Variants in SMG6 observed in about 807,000 individuals in gnomAD.
SMG6 encodes the protein SMG6 nonsense mediated mRNA decay factor, also known as telomerase-binding protein EST1A.
Under a neutral mutation model 142.2 loss-of-function variants are expected in SMG6, and 66 were observed. The ratio of observed to expected loss-of-function variants is 0.46; its 90% CI spans 0.38 to 0.57. The LOEUF (loss-of-function observed/expected upper bound fraction) is 0.57. Ranked by LOEUF, SMG6 falls within the 20% of genes least tolerant of loss-of-function variation. SMG6 has a pLI of 0.00. For synonymous variants in SMG6, 779 were observed against 702.4 expected, an observed-to-expected ratio of 1.11 and a Z score of -1.72; for missense variants, 1,793 against 1,832.0, an observed-to-expected ratio of 0.98 and a Z score of 0.39.
At chr17:2,184,298 G>C (rs1262188387) in intron 12 of SMG6, among the ~76,000 whole-genome samples, 1 of 151,760 alleles carries the variant, frequency 6.6e-6, no homozygotes, top group Non-Finnish European at 1.5e-5. Context: ...AGGAGGCAGA[G>C]GCTACAGTGA....
intron 8 of SMG6, 62 bp from the exon 9 acceptor site, chr17:2,244,781 CAG>C: frequency 7.3e-7 from 1 of 1,371,750 alleles, no homozygotes; most frequent in Non-Finnish European, 1.0e-6. Context: ...TGTTACTGAA[CAG>C]AGTCCCCAGT....
chr17:2,217,820 C>T (rs891236332), intron 10 of SMG6, among the ~76,000 whole-genome samples: 1 of 151,870 alleles, frequency 6.6e-6, no homozygotes, highest in African/African-American at 2.4e-5. Flanking sequence ...ACGATCCTGG[C>T]CAACATGGTG....
intron 13 of SMG6, among the ~76,000 whole-genome samples, chr17:2,098,244 C>T (rs757345835): frequency 6.6e-6 from 1 of 152,168 alleles, no homozygotes. Flanking sequence ...CCTCAGCCCC[C>T]CAAAGTGTTC....
chr17:2,282,720 C>A lies in SMG6; in HGVS notation c.2588G>T (p.Arg863Leu). 1.2e-6 allele frequency: 2 copies of A among 1,614,114 alleles called. No homozygotes were observed. The highest frequency in any genetic ancestry group is 1.7e-5 in the Admixed American group (1 of 60,014). ...LEIWIHPSHP[R>L]SSQGTESGKD... ...CCCAGACTCAGTGCCCTGGGAAGAC[C>A]GTGGATGGGATGGATGAATCCAGAT... Residue 863 changes from arginine to leucine, a missense_variant, in exon 8 of 19, where the codon CGG (arginine) becomes CTG (leucine). By Grantham distance (102) the Arg-to-Leu change is moderately radical. Around this residue, in one of 3 missense-constraint regions of SMG6, gnomAD observed 1,597 missense variants for 1,584.6 expected, o/e 1.01. Coordinates refer to ENST00000263073, the MANE Select transcript of SMG6 (RefSeq NM_017575.5).
intron 10 of SMG6, among the ~76,000 whole-genome samples, chr17:2,207,954 C>T (rs576262158): frequency 6.6e-6 from 1 of 152,186 alleles, no homozygotes; most frequent in African/African-American, 2.4e-5. Context: ...TAGACCACTG[C>T]CTTGCTTCTT....
chr17:2,178,268 G>A (rs2071705705), intron 12 of SMG6, among the ~76,000 whole-genome samples: 1 of 152,158 alleles, frequency 6.6e-6, no homozygotes, highest in African/African-American at 2.4e-5. Flanking sequence ...GTGTCATCCA[G>A]ATGCCACATG....
intron 13 of SMG6, among the ~76,000 whole-genome samples, chr17:2,119,017 A>C (rs1387354626): frequency 2.0e-5 from 3 of 148,950 alleles, no homozygotes; most frequent in Non-Finnish European, 4.4e-5. Context: ...CTCCTGCCTC[A>C]GTCTGCTGAG....
chr17:2,119,058 ATT>A (rs540988591), intron 13 of SMG6, among the ~76,000 whole-genome samples: 125 of 130,436 alleles, frequency 9.6e-4, no homozygotes, highest in Middle Eastern at 8.8e-3. Context: ...CACCTGGCTA[ATT>A]TTTTTTTTTT....
chr17:2,188,262 AG>A (rs774930731), intron 11 of SMG6, 136 bp downstream of exon 11: 142 of 704,410 alleles, frequency 2.0e-4, no homozygotes, highest in Non-Finnish European at 3.3e-4. Flanking sequence ...GGCAGGCAAA[AG>A]GAAGAGGGGC....
In SMG6 at chr17:2,114,958, ATG is replaced by A. The variant is rs1491375411; in HGVS notation, c.3358-29059_3358-29058del. 5.6e-3 allele frequency among the ~76,000 whole-genome samples: 542 copies of A among 96,374 alleles called. 4 individuals are homozygous for A. The highest frequency in any genetic ancestry group is 0.012 in the South Asian group (37 of 3,162). The allele number at this position is 96,374 out of a possible 152,430, so 63.2% of individuals were successfully genotyped here. A position where few individuals can be genotyped will look rare whatever the true frequency, so the allele number is the denominator to read the frequency against. On this transcript the variant is annotated intron_variant, in intron 13 of 18. Transcript: ENST00000263073. ...AAATAAAATAAAATAAAATAAAAAAATGAAATGAAATGAAATAAAATAAAATA... is the reference window on the plus strand; with the variant it reads ...AAATAAAATAAAATAAAATAAAAAAAAAATGAAATGAAATAAAATAAAATA...
chr17:2,082,308 C>T (rs1471156500), intron 14 of SMG6: 1 of 209,630 alleles, frequency 4.8e-6, no homozygotes, highest in East Asian at 1.1e-4. Flanking sequence ...ATTCTGAAGT[C>T]ACCAATGATT....
chr17:2,186,562 G>C (rs937480971), intron 12 of SMG6, 101 bp downstream of exon 12: 2 of 1,331,322 alleles, frequency 1.5e-6, no homozygotes, highest in Non-Finnish European at 2.1e-6. Context: ...GAGGCAGGCA[G>C]GCTGTGGGCA....
At chr17:2,295,354 A>C (rs2075123259) in intron 4 of SMG6, among the ~76,000 whole-genome samples, 1 of 152,190 alleles carries the variant, frequency 6.6e-6, no homozygotes, top group Admixed American at 6.5e-5. Flanking sequence ...ACAGACAAAA[A>C]AAACGAAAAA....
intron 4 of SMG6, among the ~76,000 whole-genome samples, chr17:2,295,066 G>C (rs999081714): frequency 1.3e-5 from 2 of 151,992 alleles, no homozygotes; most frequent in African/African-American, 2.4e-5. Context: ...TAGTAGAGAG[G>C]GGGTTTCGCC....
chr17:2,204,300 C>T (rs2072616198), intron 10 of SMG6, among the ~76,000 whole-genome samples: 1 of 152,164 alleles, frequency 6.6e-6, no homozygotes, highest in Non-Finnish European at 1.5e-5. Context: ...ATCAAACAAA[C>T]TTTGAGGGGT....
intron 13 of SMG6, among the ~76,000 whole-genome samples, chr17:2,096,756 C>CACAAGACAAG (rs368544975): frequency 6.5e-4 from 99 of 151,892 alleles, no homozygotes; most frequent in African/African-American, 2.1e-3. Flanking sequence ...ATCCTGGGCA[C>CACAAGACAAG]ACAAGACAAG....
At chr17:2,279,235 G>A (rs892916540) in intron 8 of SMG6, among the ~76,000 whole-genome samples, 5 of 152,210 alleles carry the variant, frequency 3.3e-5, no homozygotes, top group Non-Finnish European at 5.9e-5. Flanking sequence ...AGCGGTGCGG[G>A]CAGAGAGATG....
intron 12 of SMG6, among the ~76,000 whole-genome samples, chr17:2,177,501 G>A (rs1056859318): frequency 6.6e-6 from 1 of 152,154 alleles, no homozygotes; most frequent in African/African-American, 2.4e-5. Context: ...ATATTTTACT[G>A]GGGGAACAAG....
At chr17:2,094,401 G>A (rs182054337) in intron 13 of SMG6, among the ~76,000 whole-genome samples, 1 of 152,170 alleles carries the variant, frequency 6.6e-6, no homozygotes, top group Non-Finnish European at 1.5e-5. Context: ...ACCACACCCA[G>A]CTAAGTTTTG....
Sources: allele counts gnomAD v4.1 joint callset (sites outside exome capture counted in the v4.1 genomes callset), GRCh38; gene constraint gnomAD v4.1.1; regional missense constraint gnomAD v4.1.1; transcripts MANE v1.5; gene names NCBI Gene and HGNC (gene_info 2026-07-23, HGNC 2026-07-21).